C1orf105: variants seen among roughly 807,000 people sequenced by gnomAD.
The protein encoded by C1orf105 is uncharacterized protein C1orf105.
C1orf105 carries 17 observed loss-of-function variants against 20.8 expected under a neutral mutation model. That is an observed-to-expected ratio of 0.82 (90% CI 0.56 to 1.23). The LOEUF is 1.23. Among genes scored for constraint, C1orf105 ranks in the 50% most tolerant of loss-of-function variants. C1orf105 has a pLI of 0.00. For synonymous variants in C1orf105, 72 were observed against 72.1 expected (o/e 1.00, Z 0.01); for missense variants, 219 against 213.5 (o/e 1.03, Z -0.16).
At chr1:172,458,602 A>G (rs1184058704) in intron 4 of C1orf105, among the ~76,000 whole-genome samples, 1 of 152,208 alleles carries the variant, frequency 6.6e-6, no homozygotes, top group Non-Finnish European at 1.5e-5. Flanking sequence ...AACACTTAAT[A>G]TTGTAAAGAT....
At chr1:172,448,380 AGGGCCTG>A (rs1446104442) in intron 2 of C1orf105, 54 bp from the exon 3 acceptor site, 3 of 1,145,906 alleles carry the variant, frequency 2.6e-6, no homozygotes, top group Non-Finnish European at 3.9e-6. Context: ...GAAACAACCA[AGGGCCTG>A]GCTCTTCAAA....
intron 5 of C1orf105, among the ~76,000 whole-genome samples, chr1:172,464,062 G>A (rs747445139): frequency 2.0e-5 from 3 of 152,048 alleles, no homozygotes; most frequent in South Asian, 2.1e-4. Context: ...TGAAATTGTG[G>A]TTTTTTAAAA....
At position 172,468,589 on chromosome 1, in the gene C1orf105, C is replaced by A; in HGVS notation, c.547C>A (p.Gln183Lys). Reference sequence around the variant, plus strand: ...GGAACCAATAGGCAAGACAACGAGGCAGTGAGCGGTAGGAGCTCATCACCT... The same window carrying A: ...GGAACCAATAGGCAAGACAACGAGGAAGTGAGCGGTAGGAGCTCATCACCT... ...RKEPIGKTTR[Q>K] The change falls in exon 7 of 7, where the codon CAG (glutamine) becomes AAG (lysine). Residue 183 changes from glutamine (Q) to lysine (K), a missense_variant. Transcript: ENST00000367727. The A allele has an allele frequency of 6.2e-7, 1 of 1,613,208 alleles. No homozygotes were observed. The highest frequency in any genetic ancestry group is 8.5e-7 in the Non-Finnish European group (1 of 1,179,400).
chr1:172,468,006 T>C (rs1020715357), intron 6 of C1orf105, among the ~76,000 whole-genome samples: 2 of 152,224 alleles, frequency 1.3e-5, no homozygotes, highest in African/African-American at 2.4e-5. Flanking sequence ...ATCATGTTTA[T>C]TCCTTATTTT....
At chr1:172,430,698 C>T (rs2071846968) in intron 1 of C1orf105, among the ~76,000 whole-genome samples, 1 of 152,136 alleles carries the variant, frequency 6.6e-6, no homozygotes, top group African/African-American at 2.4e-5. Flanking sequence ...ACCTCAGCCT[C>T]CCAAAGTGCT....
chr1:172,447,737 G>A lies in C1orf105; in HGVS notation c.108-704G>A, dbSNP rs145232223. Reference sequence around the variant, plus strand: ...GAAATCTTCCCTCATTAGAGAGGAGGTGTGTTCCCGGCAAAACTGCCAGCA... The same window carrying A: ...GAAATCTTCCCTCATTAGAGAGGAGATGTGTTCCCGGCAAAACTGCCAGCA... On this transcript the variant is annotated intron_variant, in intron 2 of 6. Coordinates refer to ENST00000367727, the MANE Select transcript of C1orf105 (RefSeq NM_139240.4). Among the ~76,000 whole-genome samples the A allele has an allele frequency of 5.0e-3, 765 of 152,334 alleles. 7 individuals are homozygous for A. Among genetic ancestry groups the A allele is most frequent in the African/African-American group, 0.018 (728 of 41,576 alleles).
intron 1 of C1orf105, among the ~76,000 whole-genome samples, chr1:172,436,126 G>T (rs990291023): frequency 6.6e-6 from 1 of 152,152 alleles, no homozygotes; most frequent in Non-Finnish European, 1.5e-5. Flanking sequence ...CCATGTTCAT[G>T]GATAGGAAGA....
chr1:172,436,947 CAGA>C (rs1183492886), intron 1 of C1orf105, among the ~76,000 whole-genome samples: 1 of 152,204 alleles, frequency 6.6e-6, no homozygotes, highest in Admixed American at 6.5e-5. Flanking sequence ...AGACACTTCT[CAGA>C]AGAAGACATC....
chr1:172,451,867 CT>C (rs11462736), intron 3 of C1orf105, among the ~76,000 whole-genome samples: 173 of 85,174 alleles, frequency 2.0e-3, no homozygotes, highest in African/African-American at 4.7e-3. Context: ...TATATGGATT[CT>C]TTTTTTTTTT....
chr1:172,467,025 T>C (rs1454117270), intron 6 of C1orf105, among the ~76,000 whole-genome samples: 1 of 152,190 alleles, frequency 6.6e-6, no homozygotes, highest in Non-Finnish European at 1.5e-5. Context: ...TATATAGGCT[T>C]GGCCTCTGTG....
chr1:172,438,873 C>T (rs1465210240), intron 1 of C1orf105, among the ~76,000 whole-genome samples: 1 of 152,242 alleles, frequency 6.6e-6, no homozygotes, highest in East Asian at 1.9e-4. Flanking sequence ...CAGCCATCAA[C>T]ATCAAGGCAA....
At chr1:172,440,312 G>C (rs2072179043) in intron 1 of C1orf105, among the ~76,000 whole-genome samples, 1 of 152,210 alleles carries the variant, frequency 6.6e-6, no homozygotes, top group African/African-American at 2.4e-5. Flanking sequence ...CCTTGTCTCT[G>C]CTCTCTTCAG....
At chr1:172,458,451 T>C (rs1284752778) in intron 4 of C1orf105, among the ~76,000 whole-genome samples, 12 of 152,250 alleles carry the variant, frequency 7.9e-5, no homozygotes, top group African/African-American at 2.6e-4. Context: ...AACAATGCCA[T>C]TTGTAATAGC....
intron 5 of C1orf105, among the ~76,000 whole-genome samples, chr1:172,464,911 G>A (rs539398594): frequency 2.6e-5 from 4 of 152,242 alleles, no homozygotes; most frequent in African/African-American, 4.8e-5. Context: ...AGGCCAGTGC[G>A]GTGGCTCACA....
At chr1:172,433,463 A>C (rs2071935596) in intron 1 of C1orf105, among the ~76,000 whole-genome samples, 1 of 152,228 alleles carries the variant, frequency 6.6e-6, no homozygotes, top group Non-Finnish European at 1.5e-5. Context: ...ATTCTTAAAC[A>C]AAAGAATTTT....
chr1:172,435,031 C>T (rs919429175), intron 1 of C1orf105, among the ~76,000 whole-genome samples: 1 of 152,278 alleles, frequency 6.6e-6, no homozygotes, highest in Non-Finnish European at 1.5e-5. Flanking sequence ...CATACACCCT[C>T]CCACAACTAA....
At chr1:172,445,707 C>T (rs9425618) in intron 2 of C1orf105, among the ~76,000 whole-genome samples, 131,312 of 152,184 alleles carry the variant, frequency 0.86, 56,831 homozygotes, top group East Asian at 1. Flanking sequence ...GTTACCGTGT[C>T]CCTTCTCCAT....
intron 1 of C1orf105, among the ~76,000 whole-genome samples, chr1:172,430,810 G>T (rs1387995752): frequency 6.6e-6 from 1 of 152,138 alleles, no homozygotes; most frequent in Middle Eastern, 3.2e-3. Flanking sequence ...CAGTGCCATT[G>T]TTCCAATTGC....
At chr1:172,461,507 C>T (rs918228048) in intron 4 of C1orf105, among the ~76,000 whole-genome samples, 3 of 152,022 alleles carry the variant, frequency 2.0e-5, no homozygotes, top group African/African-American at 7.2e-5. Flanking sequence ...TAAAAGAAAA[C>T]CAACATCTAG....
Sources: gnomAD v4.1 joint callset for allele counts (sites outside exome capture counted in the v4.1 genomes callset) on GRCh38, gnomAD v4.1.1 for gene constraint, MANE v1.5 for transcripts, NCBI Gene and HGNC (gene_info 2026-07-23, HGNC 2026-07-21) for gene names.